The following ANO3 variants were observed in gnomAD, a reference collection of about 807,000 sequenced individuals.
ANO3 encodes anoctamin 3.
Under a neutral mutation model 144.8 loss-of-function variants are expected in ANO3, and 99 were observed. The ratio of observed to expected loss-of-function variants is 0.68; its 90% confidence interval spans 0.58 to 0.81. ANO3 has a LOEUF of 0.81. Among genes scored for constraint, ANO3 ranks in the 30% least tolerant of loss-of-function variants. ANO3 has a pLI of 0.00. For synonymous variants in ANO3, 414 were observed against 392.6 expected (o/e 1.05, Z -0.64); for missense variants, 905 against 1,202.2 (o/e 0.75, Z 3.66).
chr11:26,496,974 G>GTGTATA (rs139292554), intron 4 of ANO3, among the ~76,000 whole-genome samples: 1 of 136,508 alleles, frequency 7.3e-6, no homozygotes, highest in African/African-American at 2.8e-5. Flanking sequence ...AATGTTGTGT[G>GTGTATA]TATATATATA....
rs957553085 is a variant in ANO3, at chr11:26,525,700, T to C, written c.737+21T>C. 6 of 1,593,492 alleles carry C rather than the reference T, an allele frequency of 3.8e-6. No individual in the cohort carries two copies. The African/African-American group carries it at 8.1e-5, about 22-fold the overall frequency. On this transcript the variant is annotated intron_variant, in intron 7 of 26. Coordinates refer to ENST00000256737, the MANE Select transcript of ANO3 (RefSeq NM_031418.4). ...GGCAGGTTGGTGGGTGATGAATCAT[T>C]TCTTTATAACAAATTTGTCGTTTTG...
intron 1 of ANO3, chr11:26,285,959 G>A (rs538016850): frequency 3.9e-5 from 6 of 152,090 alleles, no homozygotes; most frequent in Non-Finnish European, 5.9e-5. Context: ...GCCTTTCCCC[G>A]GGGATCTTAC....
intron 1 of ANO3, among the ~76,000 whole-genome samples, chr11:26,417,823 G>A (rs533570370): frequency 3.2e-4 from 48 of 151,912 alleles, no homozygotes; most frequent in Non-Finnish European, 5.2e-4. Flanking sequence ...AATAATAGGT[G>A]GTAAATTAAC....
intron 18 of ANO3, among the ~76,000 whole-genome samples, chr11:26,633,586 G>A (rs1007890834): frequency 2.0e-5 from 3 of 152,176 alleles, no homozygotes; most frequent in African/African-American, 7.2e-5. Context: ...GATCCATTAT[G>A]TATGGTTACT....
chr11:26,370,496 A>C (rs1051537798), intron 1 of ANO3, among the ~76,000 whole-genome samples: 1 of 152,132 alleles, frequency 6.6e-6, no homozygotes, highest in Non-Finnish European at 1.5e-5. Context: ...ATACCCAAAA[A>C]TGTGGAGGTG....
intron 1 of ANO3, among the ~76,000 whole-genome samples, chr11:26,275,603 G>C (rs986237788): frequency 2.6e-5 from 4 of 152,116 alleles, no homozygotes; most frequent in Admixed American, 2.0e-4. Context: ...ATGGAGGCAG[G>C]AGTTAATGCT....
At chr11:26,452,340 T>C (rs1386556308) in intron 3 of ANO3, among the ~76,000 whole-genome samples, 1 of 152,088 alleles carries the variant, frequency 6.6e-6, no homozygotes, top group Non-Finnish European at 1.5e-5. Context: ...GAAAAACATT[T>C]AGACGAATGT....
At chr11:26,393,993 A>G (rs183437631) in intron 1 of ANO3, among the ~76,000 whole-genome samples, 1 of 152,288 alleles carries the variant, frequency 6.6e-6, no homozygotes, top group African/African-American at 2.4e-5. Flanking sequence ...ATTTATTGAA[A>G]TGGCCTTTCT....
At chr11:26,514,883 A>G (rs1861803305) in intron 5 of ANO3, among the ~76,000 whole-genome samples, 2 of 152,124 alleles carry the variant, frequency 1.3e-5, no homozygotes, top group African/African-American at 2.4e-5. Flanking sequence ...AAACCTTTTC[A>G]CCAAATTTGG....
chr11:26,588,783 T>C (rs1316406697), intron 14 of ANO3, among the ~76,000 whole-genome samples: 1 of 152,324 alleles, frequency 6.6e-6, no homozygotes, highest in East Asian at 1.9e-4. Context: ...TACTTAATAT[T>C]GTACCTTTTT....
chr11:26,565,097 T>G, intron 14 of ANO3: 1 of 1,430,962 alleles, frequency 7.0e-7, no homozygotes, highest in Non-Finnish European at 9.3e-7. Context: ...TTCCTTAGAC[T>G]TACTCTGCAT....
intron 1 of ANO3, among the ~76,000 whole-genome samples, chr11:26,291,562 A>T (rs1365309771): frequency 6.6e-6 from 1 of 151,996 alleles, no homozygotes; most frequent in African/African-American, 2.4e-5. Context: ...GTTCCTTTCC[A>T]TGTTTAGTGC....
chr11:26,377,510 T>A (rs1345623518), intron 1 of ANO3, among the ~76,000 whole-genome samples: 1 of 151,652 alleles, frequency 6.6e-6, no homozygotes, highest in African/African-American at 2.4e-5. Flanking sequence ...AAACGCAAAA[T>A]ATAACAGAAA....
At chr11:26,497,508 G>A (rs1186229097) in intron 4 of ANO3, among the ~76,000 whole-genome samples, 2 of 151,964 alleles carry the variant, frequency 1.3e-5, no homozygotes, top group African/African-American at 4.8e-5. Context: ...GTTGTAAAAA[G>A]TTTTTCTTTG....
intron 1 of ANO3, among the ~76,000 whole-genome samples, chr11:26,193,769 A>T (rs1238293281): frequency 6.6e-6 from 1 of 152,192 alleles, no homozygotes; most frequent in Non-Finnish European, 1.5e-5. Flanking sequence ...TTGAATACTT[A>T]TAATAATTGA....
chr11:26,517,569 AT>A (rs1385334951), intron 6 of ANO3, among the ~76,000 whole-genome samples: 1 of 152,034 alleles, frequency 6.6e-6, no homozygotes, highest in Non-Finnish European at 1.5e-5. Flanking sequence ...TATGCAAAGT[AT>A]TTACTCATAT....
chr11:26,400,803 A>G (rs985932197), intron 1 of ANO3, among the ~76,000 whole-genome samples: 4 of 151,370 alleles, frequency 2.6e-5, no homozygotes, highest in Non-Finnish European at 4.4e-5. Flanking sequence ...TTCAATAAGT[A>G]ATTAATAGTG....
chr11:26,197,380 A>G (rs1298935532), intron 1 of ANO3, among the ~76,000 whole-genome samples: 2 of 151,970 alleles, frequency 1.3e-5, no homozygotes, highest in African/African-American at 4.8e-5. Context: ...ATGGAGTCTC[A>G]CTCTGTCACC....
intron 1 of ANO3, among the ~76,000 whole-genome samples, chr11:26,373,536 T>C (rs1046744547): frequency 1.3e-5 from 2 of 152,220 alleles, no homozygotes; most frequent in Admixed American, 6.5e-5. Flanking sequence ...TATTTCTTTA[T>C]ATCAGTGTGA....
Sources: gnomAD v4.1 joint callset for allele counts (sites outside exome capture counted in the v4.1 genomes callset) on GRCh38, gnomAD v4.1.1 for gene constraint, MANE v1.5 for transcripts, NCBI Gene and HGNC (gene_info 2026-07-23, HGNC 2026-07-21) for gene names.